The following RLN3 variants were observed in gnomAD, a reference collection of about 807,000 sequenced individuals.
The protein encoded by RLN3 is relaxin-3.
A neutral mutation model predicts 10.2 loss-of-function variants in RLN3; 13 were observed. That is an observed-to-expected ratio of 1.28 (90% CI 0.83 to 2.03). RLN3 has a LOEUF of 2.03. RLN3 is among the 30% of genes most tolerant of loss of function. The probability of loss-of-function intolerance (pLI) is 0.00; values close to 1 mark genes in which losing one functional copy is unlikely to be tolerated. For synonymous variants in RLN3, 56 were observed against 79.2 expected, an observed-to-expected ratio of 0.71 and a Z score of 1.56; for missense variants, 191 against 187.2, an observed-to-expected ratio of 1.02 and a Z score of -0.12.
chr19:14,029,410 G>C (rs1975763768), intron 1 of RLN3, among the ~76,000 whole-genome samples: 2 of 151,468 alleles, frequency 1.3e-5, no homozygotes, highest in Non-Finnish European at 2.9e-5. Context: ...GGAGTGCAGT[G>C]GTGCAATCTT....
intron 1 of RLN3, among the ~76,000 whole-genome samples, chr19:14,028,824 G>A (rs572766064): frequency 5.8e-4 from 89 of 152,212 alleles, no homozygotes; most frequent in African/African-American, 1.9e-3. Flanking sequence ...GCCCAGGCTT[G>A]AATGCAGTGG....
chr19:14,028,464 G>A, intron 1 of RLN3, 70 bp downstream of exon 1: 2 of 1,374,200 alleles, frequency 1.5e-6, no homozygotes, highest in Admixed American at 4.3e-5. Flanking sequence ...GCTAAGGACA[G>A]AGATAAGAGG....
Position 14,028,346 on chromosome 19 carries a change from G to T in RLN3, c.142G>T (p.Gly48Trp), listed in dbSNP as rs201211116. Reference sequence around the variant, plus strand: ...CATCCGAGCAGTCATCTTCACCTGCGGGGGCTCCCGGTGGAGACGATCAGA... The same window carrying T: ...CATCCGAGCAGTCATCTTCACCTGCTGGGGCTCCCGGTGGAGACGATCAGA... The part of the protein sequence containing the change: ...EFIRAVIFTC[G>W]GSRWRRSDIL... Residue 48 changes from glycine (G) to tryptophan (W), a missense_variant, in exon 1 of 2, where the codon GGG becomes TGG. Coordinates refer to ENST00000431365, the MANE Select transcript of RLN3 (RefSeq NM_080864.4). The T allele has an allele frequency of 1.9e-6, 3 of 1,613,680 alleles. No individual in the cohort carries two copies. Among genetic ancestry groups the T allele is most frequent in the Non-Finnish European group, 2.5e-6 (3 of 1,179,912 alleles).
rs1279314855 is a variant in RLN3 at position 14,028,394 on chromosome 19, G to C, written c.190G>C (p.Gly64Arg). 5.0e-6 allele frequency: 8 copies of C among 1,608,200 alleles called. No homozygotes were observed. The highest frequency in any genetic ancestry group is 5.9e-6 in the Non-Finnish European group (7 of 1,177,054). ...AGACATCCTGGCCCACGAGGCTATG[G>C]GTGAGGCTGGGGAGAGAGTGGATGT... is the stretch of plus-strand genomic sequence containing the variant. Reference protein sequence around the residue: ...RSDILAHEAMGDTFPDADADE... With the variant: ...RSDILAHEAMRDTFPDADADE... Residue 64 changes from glycine (G) to arginine (R), a missense_variant and splice_region_variant, in exon 1 of 2, where the codon GGA becomes CGA. By Grantham distance (125) the Gly-to-Arg change is moderately radical. Transcript: ENST00000431365.
chr19:14,028,219 G>T lies in RLN3; in HGVS notation c.15G>T (p.Met5Ile), dbSNP rs1975744217. The T allele has an allele frequency of 6.3e-7, 1 of 1,592,128 alleles. No homozygotes were observed. Among genetic ancestry groups the T allele is most frequent in the South Asian group, 1.1e-5 (1 of 88,682 alleles). ...CTCCGTCCAGCATGGCCAGGTACAT[G>T]CTGCTGCTGCTCCTGGCGGTATGGG... MARY[M>I]LLLLLAVWVL... Residue 5 changes from methionine to isoleucine, a missense_variant, in exon 1 of 2, where the codon ATG becomes ATT. Met to Ile is a conservative substitution (Grantham distance 10, BLOSUM62 1). Coordinates refer to ENST00000431365, the MANE Select transcript of RLN3 (RefSeq NM_080864.4).
rs1474287386 is a variant in RLN3, at chr19:14,031,108, C to T, written c.*160C>T. The T allele has an allele frequency of 1.6e-6, 1 of 618,426 alleles. No homozygotes were observed. The highest frequency in any genetic ancestry group is 3.0e-5 in the Admixed American group (1 of 33,510). 38.3% of individuals were successfully genotyped at this position (618,426 alleles called of 1,614,324 possible). A position where few individuals can be genotyped will look rare whatever the true frequency, so the allele number is the denominator to read the frequency against. On this transcript the variant is annotated 3_prime_UTR_variant, in exon 2 of 2. Coordinates refer to ENST00000431365, the MANE Select transcript of RLN3 (RefSeq NM_080864.4). ...TGGGCTCAGGCACAGTCTCCCGACA[C>T]CACCTATCCAACCCTGCCCTTTGAC...
rs1975804919 is a variant in RLN3 at position 14,031,382 on chromosome 19, C to A, written c.*434C>A. On this transcript the variant is annotated 3_prime_UTR_variant, in exon 2 of 2. Transcript: ENST00000431365. ...AATCAAGCCTCTGTCTCAGTCCAGC[C>A]TTTGCACGCACGCTTCCTTTGCCCT... 4.5e-6 allele frequency: 1 copy of A among 222,360 alleles called. No homozygotes were observed. Among genetic ancestry groups the A allele is most frequent in the Non-Finnish European group, 8.9e-6 (1 of 112,624 alleles). The allele number at this position is 222,360 out of a possible 1,614,324, so 13.8% of individuals were successfully genotyped here.
intron 1 of RLN3, chr19:14,030,444 G>A (rs1975782052): frequency 1.5e-6 from 1 of 684,474 alleles, no homozygotes; most frequent in African/African-American, 1.8e-5. Context: ...CACATCACTT[G>A]AGGTCAGGAG....
chr19:14,029,744 A>C (rs995389674), intron 1 of RLN3, among the ~76,000 whole-genome samples: 3 of 152,080 alleles, frequency 2.0e-5, no homozygotes, highest in African/African-American at 7.2e-5. Flanking sequence ...ACTGAGAAGA[A>C]TAAAGAAGTT....
chr19:14,031,006 C>G lies in RLN3; in HGVS notation c.*58C>G. 8.5e-7 allele frequency: 1 copy of G among 1,173,350 alleles called. No homozygotes were observed. The highest frequency in any genetic ancestry group is 1.5e-5 in the South Asian group (1 of 67,882). The allele number at this position is 1,173,350 out of a possible 1,614,324, so 72.7% of individuals were successfully genotyped here. A position where few individuals can be genotyped will look rare whatever the true frequency, so the allele number is the denominator to read the frequency against. On this transcript the variant is annotated 3_prime_UTR_variant, in exon 2 of 2. Transcript: ENST00000431365. ...CAATGCCCCAGTCCTGCCATCCACT[C>G]AACTAGTGTCTGGCTGGGCACCTGT...
At chr19:14,028,948 A>G (rs190212467) in intron 1 of RLN3, among the ~76,000 whole-genome samples, 1 of 149,418 alleles carries the variant, frequency 6.7e-6, no homozygotes, top group East Asian at 2.0e-4. Flanking sequence ...CTAGTTTTAA[A>G]TTTTTTTTTT....
rs763998996 is a variant in RLN3, at chr19:14,028,260, T to A, written c.56T>A (p.Leu19Gln). Residue 19 changes from leucine (L) to glutamine (Q), a missense_variant, in exon 1 of 2, where the codon CTG becomes CAG. Physicochemically the swap from Leu to Gln is moderately radical, Grantham distance 113. Coordinates refer to ENST00000431365, the MANE Select transcript of RLN3 (RefSeq NM_080864.4). ...GCGGTATGGGTGCTGACCGGGGAGC[T>A]GTGGCCGGGAGCTGAGGCCCGGGCA... ...LLAVWVLTGELWPGAEARAAP... is the reference protein window; with the variant it reads ...LLAVWVLTGEQWPGAEARAAP... The A allele has an allele frequency of 1.5e-5, 24 of 1,612,856 alleles. No homozygotes were observed. In the Admixed American group the frequency reaches 1.7e-4, roughly 11 times the overall value.
intron 1 of RLN3, among the ~76,000 whole-genome samples, chr19:14,029,806 A>AATTATTATTATTATTATTATT (rs58482695): frequency 7.2e-4 from 103 of 142,310 alleles, no homozygotes; most frequent in African/African-American, 1.2e-3. Flanking sequence ...GTGATCAATA[A>AATTATTATTATTATTATTATT]ATTATTATTA....
intron 1 of RLN3, chr19:14,030,132 T>G: frequency 1.7e-6 from 1 of 585,416 alleles, no homozygotes. Context: ...TCAATAGTCA[T>G]TTTTGAGTGC....
At chr19:14,030,111 C>T (rs546444186) in intron 1 of RLN3, 63 of 583,702 alleles carry the variant, frequency 1.1e-4, no homozygotes, top group East Asian at 2.0e-4. Context: ...TGTGAGACAC[C>T]GTGCCCGGAC....
intron 1 of RLN3, chr19:14,030,337 AG>A (rs1975779590): frequency 1.4e-6 from 1 of 701,590 alleles, no homozygotes; most frequent in Admixed American, 2.0e-5. Flanking sequence ...CAAATGTACC[AG>A]GTCCTCAATT....
rs1975746263 is a variant in RLN3, at chr19:14,028,298, G to C, written c.94G>C (p.Val32Leu). Residue 32 changes from valine (V) to leucine (L), a missense_variant, in exon 1 of 2, where the codon GTC becomes CTC. Physicochemically the swap from Val to Leu is conservative, Grantham distance 32. Transcript: ENST00000431365. Reference protein sequence around the residue: ...GAEARAAPYGVRLCGREFIRA... With the variant: ...GAEARAAPYGLRLCGREFIRA... ...TGAGGCCCGGGCAGCGCCTTACGGGGTCAGGCTTTGCGGCCGAGAATTCAT... is the reference window on the plus strand; with the variant it reads ...TGAGGCCCGGGCAGCGCCTTACGGGCTCAGGCTTTGCGGCCGAGAATTCAT... The C allele has an allele frequency of 1.2e-6, 2 of 1,613,896 alleles. No homozygotes were observed. Among genetic ancestry groups the C allele is most frequent in the Non-Finnish European group, 1.7e-6 (2 of 1,180,026 alleles).
intron 1 of RLN3, chr19:14,030,359 A>C: frequency 1.4e-6 from 1 of 701,442 alleles, no homozygotes; most frequent in Non-Finnish European, 2.6e-6. Context: ...AATAAAGAGT[A>C]AGGAGAAATA....
intron 1 of RLN3, chr19:14,030,388 G>C (rs541939477): frequency 1.5e-4 from 106 of 702,068 alleles, no homozygotes; most frequent in Non-Finnish European, 2.5e-4. Flanking sequence ...GGCTGGGTGC[G>C]GTGGCTCACG....
Sources: gnomAD v4.1 joint callset for allele counts (sites outside exome capture counted in the v4.1 genomes callset) on GRCh38, gnomAD v4.1.1 for gene constraint, MANE v1.5 for transcripts, NCBI Gene and HGNC (gene_info 2026-07-23, HGNC 2026-07-21) for gene names.